SMYD3: variants seen among roughly 807,000 people sequenced by gnomAD.
SMYD3 encodes the protein histone-lysine N-methyltransferase SMYD3.
Under a neutral mutation model 57.7 loss-of-function variants are expected in SMYD3, and 36 were observed. The ratio of observed to expected loss-of-function variants is 0.62; its 90% CI spans 0.48 to 0.82. SMYD3 has a LOEUF of 0.82. Among genes scored for constraint, SMYD3 ranks in the 40% least tolerant of loss-of-function variants. The probability of loss-of-function intolerance (pLI) is 0.00; values close to 1 mark genes in which losing one functional copy is unlikely to be tolerated. For missense variants in SMYD3, 515 were observed against 538.8 expected (o/e 0.96, Z 0.44); for synonymous variants, 211 against 195.0 (o/e 1.08, Z -0.68).
chr1:246,005,020 G>T (rs2059144814), intron 5 of SMYD3, among the ~76,000 whole-genome samples: 1 of 151,932 alleles, frequency 6.6e-6, no homozygotes, highest in Non-Finnish European at 1.5e-5. Context: ...TAATTTTTTT[G>T]TATTTTTTTC....
intron 5 of SMYD3, among the ~76,000 whole-genome samples, chr1:246,165,599 A>T (rs961221836): frequency 3.9e-5 from 6 of 152,156 alleles, no homozygotes; most frequent in Admixed American, 2.0e-4. Flanking sequence ...CTTCCACCTT[A>T]TAGCCTCAGG....
At chr1:246,405,743 C>A (rs2066853258) in intron 1 of SMYD3, among the ~76,000 whole-genome samples, 3 of 151,768 alleles carry the variant, frequency 2.0e-5, no homozygotes. Context: ...CCCGTCTCTA[C>A]TAAAAATACA....
At chr1:246,362,943 C>A (rs1200209755) in intron 1 of SMYD3, among the ~76,000 whole-genome samples, 3 of 150,410 alleles carry the variant, frequency 2.0e-5, no homozygotes, top group African/African-American at 7.4e-5. Flanking sequence ...ATGTGAGGAG[C>A]CCCTCTGCCT....
At chr1:246,361,398 GAACT>G (rs2065984918) in intron 1 of SMYD3, among the ~76,000 whole-genome samples, 1 of 152,148 alleles carries the variant, frequency 6.6e-6, no homozygotes, top group Non-Finnish European at 1.5e-5. Context: ...GATTCCTAAA[GAACT>G]AAAAGTAAAT....
intron 10 of SMYD3, among the ~76,000 whole-genome samples, chr1:245,827,548 C>T (rs575869466): frequency 3.2e-4 from 49 of 152,304 alleles, no homozygotes; most frequent in East Asian, 9.6e-4. Flanking sequence ...CACGCACTCC[C>T]GGTATTTCGC....
chr1:246,184,260 T>C (rs2062598183), intron 5 of SMYD3, among the ~76,000 whole-genome samples: 2 of 152,194 alleles, frequency 1.3e-5, no homozygotes, highest in African/African-American at 4.8e-5. Context: ...GGTCTCAGGC[T>C]TAAAATCCAA....
At chr1:245,964,796 T>TAAAAAA (rs557500237) in intron 5 of SMYD3, among the ~76,000 whole-genome samples, 2 of 131,344 alleles carry the variant, frequency 1.5e-5, no homozygotes, top group Non-Finnish European at 3.3e-5. Context: ...ACAAAGATTG[T>TAAAAAA]AAAAAAAAAA....
At chr1:245,888,670 G>A in intron 8 of SMYD3, among the ~76,000 whole-genome samples, 1 of 152,156 alleles carries the variant, frequency 6.6e-6, no homozygotes, top group East Asian at 1.9e-4. Flanking sequence ...AAACCACTTA[G>A]CTTGTGTGAT....
At chr1:246,319,225 T>C (rs2148647351) in intron 5 of SMYD3, among the ~76,000 whole-genome samples, 1 of 152,336 alleles carries the variant, frequency 6.6e-6, no homozygotes, top group South Asian at 2.1e-4. Flanking sequence ...GTTTGCCTGC[T>C]TTACTTAACA....
intron 5 of SMYD3, among the ~76,000 whole-genome samples, chr1:246,180,403 C>T (rs971972174): frequency 1.4e-5 from 2 of 144,966 alleles, no homozygotes; most frequent in Non-Finnish European, 3.0e-5. Context: ...ACCTTCCACT[C>T]AAGGTCATGA....
chr1:246,017,159 T>G (rs549574702), intron 5 of SMYD3, among the ~76,000 whole-genome samples: 5 of 152,326 alleles, frequency 3.3e-5, no homozygotes, highest in Non-Finnish European at 7.4e-5. Context: ...CCATTAATTT[T>G]TATTCTTTTT....
At chr1:246,259,966 A>G (rs2063973347) in intron 5 of SMYD3, among the ~76,000 whole-genome samples, 1 of 152,236 alleles carries the variant, frequency 6.6e-6, no homozygotes, top group African/African-American at 2.4e-5. Context: ...CTAGGTGTGT[A>G]GTATAGTGGG....
At chr1:246,221,297 C>G (rs1188251723) in intron 5 of SMYD3, among the ~76,000 whole-genome samples, 3 of 152,160 alleles carry the variant, frequency 2.0e-5, no homozygotes, top group African/African-American at 4.8e-5. Flanking sequence ...TGTTCTATTG[C>G]TCAGTAAAGC....
intron 5 of SMYD3, among the ~76,000 whole-genome samples, chr1:246,253,774 T>C (rs988130073): frequency 2.0e-5 from 3 of 152,224 alleles, no homozygotes; most frequent in African/African-American, 4.8e-5. Flanking sequence ...TATTGGTGCA[T>C]AGAAACGCTA....
intron 5 of SMYD3, among the ~76,000 whole-genome samples, chr1:246,045,859 C>A (rs1257856358): frequency 3.3e-5 from 5 of 152,282 alleles, no homozygotes; most frequent in South Asian, 2.1e-4. Flanking sequence ...ATGCAGCCAA[C>A]AGACACATGA....
intron 1 of SMYD3, among the ~76,000 whole-genome samples, chr1:246,407,079 G>C (rs1329829430): frequency 6.6e-6 from 1 of 152,154 alleles, no homozygotes; most frequent in Non-Finnish European, 1.5e-5. Context: ...AAATTTATGA[G>C]GATAGTTTGG....
At chr1:246,109,329 T>C (rs796373703) in intron 5 of SMYD3, among the ~76,000 whole-genome samples, 1 of 152,208 alleles carries the variant, frequency 6.6e-6, no homozygotes, top group South Asian at 2.1e-4. Context: ...TATAAATGGA[T>C]TCATTACCAT....
At chr1:245,956,121 T>C in intron 5 of SMYD3, 1 of 947,760 alleles carries the variant, frequency 1.1e-6, no homozygotes, top group Non-Finnish European at 1.3e-6. Context: ...TCTCATTTTG[T>C]TGCCCAGGCT....
chr1:245,792,534 A>G (rs1034706787), intron 10 of SMYD3, among the ~76,000 whole-genome samples: 1 of 152,206 alleles, frequency 6.6e-6, no homozygotes, highest in Non-Finnish European at 1.5e-5. Context: ...AAAAAGACAG[A>G]AAAAAAATTT....
Sources: gnomAD v4.1 joint callset for allele counts (sites outside exome capture counted in the v4.1 genomes callset) on GRCh38, gnomAD v4.1.1 for gene constraint, MANE v1.5 for transcripts, NCBI Gene and HGNC (gene_info 2026-07-23, HGNC 2026-07-21) for gene names.